The following STOX2 variants were observed in gnomAD, a reference collection of about 807,000 sequenced individuals.
The protein encoded by STOX2 is storkhead box 2.
A neutral mutation model predicts 60.9 loss-of-function variants in STOX2; 28 were observed. The ratio of observed to expected loss-of-function variants is 0.46; its 90% confidence interval spans 0.34 to 0.63. The LOEUF (loss-of-function observed/expected upper bound fraction) is 0.63, where lower values mean the gene tolerates loss of function less well. Among genes scored for constraint, STOX2 ranks in the 30% least tolerant of loss-of-function variants. The pLI, the probability that STOX2 is intolerant of heterozygous loss-of-function variation, is 0.01. For missense variants in STOX2, 1,024 were observed against 1,187.7 expected (o/e 0.86, Z 2.03); for synonymous variants, 472 against 463.9 (o/e 1.02, Z -0.22).
At chr4:184,002,365 A>C (rs1733628693) in intron 2 of STOX2, among the ~76,000 whole-genome samples, 1 of 152,254 alleles carries the variant, frequency 6.6e-6, no homozygotes, top group South Asian at 2.1e-4. Flanking sequence ...TATATTTCTC[A>C]TTCAACTTAG....
At chr4:183,956,346 C>T (rs1189742950) in intron 1 of STOX2, among the ~76,000 whole-genome samples, 1 of 151,240 alleles carries the variant, frequency 6.6e-6, no homozygotes, top group African/African-American at 2.4e-5. Context: ...TAATTGTTAA[C>T]ATTTTGCTGC....
At chr4:183,914,562 G>T (rs1438929332) in intron 1 of STOX2, among the ~76,000 whole-genome samples, 3 of 152,230 alleles carry the variant, frequency 2.0e-5, no homozygotes, top group Non-Finnish European at 4.4e-5. Flanking sequence ...TGGGCTAATG[G>T]TTTGGTATTC....
At chr4:183,932,356 CA>C (rs1282967859) in intron 1 of STOX2, among the ~76,000 whole-genome samples, 5 of 20,320 alleles carry the variant, frequency 2.5e-4, no homozygotes, top group Admixed American at 5.8e-4. Context: ...TGTATACATA[CA>C]GTATATGTAT....
chr4:183,929,805 C>G (rs981438894), intron 1 of STOX2, among the ~76,000 whole-genome samples: 1 of 152,186 alleles, frequency 6.6e-6, no homozygotes, highest in Non-Finnish European at 1.5e-5. Flanking sequence ...GTTCACTGCT[C>G]TGTGAATAAT....
intron 1 of STOX2, among the ~76,000 whole-genome samples, chr4:183,859,357 G>A (rs902044686): frequency 1.3e-5 from 2 of 152,226 alleles, no homozygotes; most frequent in East Asian, 1.9e-4. Context: ...GCAAGATCAC[G>A]ACGCTGGGGA....
chr4:183,898,516 G>A (rs1412545215), intron 1 of STOX2, among the ~76,000 whole-genome samples: 1 of 152,164 alleles, frequency 6.6e-6, no homozygotes, highest in Non-Finnish European at 1.5e-5. Context: ...CCAGGAGAGA[G>A]GCCTGGGTTG....
chr4:183,799,184 GAA>G (rs1221492586), intron 1 of STOX2, among the ~76,000 whole-genome samples: 2 of 152,270 alleles, frequency 1.3e-5, no homozygotes, highest in East Asian at 3.9e-4. Flanking sequence ...TTTTGGCAGA[GAA>G]GAGATCTTTA....
intron 1 of STOX2, among the ~76,000 whole-genome samples, chr4:183,918,988 T>C (rs1330650891): frequency 6.6e-6 from 1 of 152,204 alleles, no homozygotes; most frequent in African/African-American, 2.4e-5. Context: ...AACATATCCT[T>C]TCCCTTCCTT....
At chr4:183,820,837 C>T (rs747089175) in intron 1 of STOX2, among the ~76,000 whole-genome samples, 19 of 152,006 alleles carry the variant, frequency 1.2e-4, no homozygotes, top group Non-Finnish European at 1.3e-4. Flanking sequence ...TGGCAGAGCA[C>T]GGTGGTTAAC....
chr4:183,970,758 T>C (rs928885350), intron 1 of STOX2, among the ~76,000 whole-genome samples: 3 of 152,230 alleles, frequency 2.0e-5, no homozygotes, highest in Non-Finnish European at 2.9e-5. Context: ...AGAAAGTTTA[T>C]CTATTACCCA....
At chr4:183,818,876 T>A (rs552596898) in intron 1 of STOX2, among the ~76,000 whole-genome samples, 6 of 145,002 alleles carry the variant, frequency 4.1e-5, no homozygotes, top group African/African-American at 1.6e-4. Context: ...GACGGGGTGG[T>A]GGGGCAGAGG....
chr4:183,805,993 G>A (rs549485525), intron 1 of STOX2, among the ~76,000 whole-genome samples: 2 of 152,308 alleles, frequency 1.3e-5, no homozygotes, highest in South Asian at 4.1e-4. Context: ...CTTAGATAAA[G>A]AGGTAGAAAG....
At chr4:183,949,620 C>G (rs550115547) in intron 1 of STOX2, among the ~76,000 whole-genome samples, 11 of 152,274 alleles carry the variant, frequency 7.2e-5, no homozygotes, top group African/African-American at 2.4e-4. Flanking sequence ...ATCGCTTGAA[C>G]CCGGGAGATG....
intron 1 of STOX2, among the ~76,000 whole-genome samples, chr4:183,927,909 A>T (rs1267159006): frequency 1.3e-5 from 2 of 152,204 alleles, no homozygotes; most frequent in African/African-American, 4.8e-5. Flanking sequence ...GCACCCAGGC[A>T]TCCCACCAAG....
chr4:183,981,779 G>A (rs903874851), intron 1 of STOX2, among the ~76,000 whole-genome samples: 1 of 152,078 alleles, frequency 6.6e-6, no homozygotes, highest in African/African-American at 2.4e-5. Flanking sequence ...TTTATCCAAA[G>A]TGCACCTGCG....
chr4:183,839,366 T>C (rs1739794931), intron 1 of STOX2, among the ~76,000 whole-genome samples: 1 of 152,172 alleles, frequency 6.6e-6, no homozygotes, highest in Admixed American at 6.5e-5. Flanking sequence ...ACCATCACAC[T>C]GATCCGAAAA....
At chr4:183,860,447 A>AAC (rs200048284) in intron 1 of STOX2, among the ~76,000 whole-genome samples, 10 of 139,312 alleles carry the variant, frequency 7.2e-5, no homozygotes, top group African/African-American at 1.3e-4. Flanking sequence ...AAAAACAAAA[A>AAC]AAAAAAAAAA....
chr4:183,802,351 C>A (rs1398464693), intron 1 of STOX2, among the ~76,000 whole-genome samples: 1 of 152,034 alleles, frequency 6.6e-6, no homozygotes, highest in East Asian at 1.9e-4. Flanking sequence ...AAGTGATTTC[C>A]CCAAATAGTA....
chr4:183,984,542 C>G (rs1227432940), intron 1 of STOX2, among the ~76,000 whole-genome samples: 1 of 152,122 alleles, frequency 6.6e-6, no homozygotes, highest in African/African-American at 2.4e-5. Context: ...CTGAACTGAC[C>G]ATAGGACTTT....
Sources: gnomAD v4.1 joint callset for allele counts (sites outside exome capture counted in the v4.1 genomes callset) on GRCh38, gnomAD v4.1.1 for gene constraint, MANE v1.5 for transcripts, NCBI Gene and HGNC (gene_info 2026-07-23, HGNC 2026-07-21) for gene names.